The following PTCHD4 variants were observed in gnomAD, a reference collection of about 807,000 sequenced individuals.
PTCHD4 encodes patched domain containing 4.
PTCHD4 carries 33 observed loss-of-function variants against 58.1 expected under a neutral mutation model. The observed-to-expected ratio is 0.57, with a 90% confidence interval of 0.43 to 0.76. The LOEUF is 0.76. PTCHD4 is among the 30% of genes least tolerant of loss of function. PTCHD4 has a pLI of 0.00. For synonymous variants in PTCHD4, 478 were observed against 409.6 expected (o/e 1.17, Z -2.02); for missense variants, 1,058 against 1,027.1 (o/e 1.03, Z -0.41).
chr6:48,062,018 C>T (rs1453877264), intron 3 of PTCHD4, among the ~76,000 whole-genome samples: 1 of 152,118 alleles, frequency 6.6e-6, no homozygotes, highest in Non-Finnish European at 1.5e-5. Context: ...CTGGATGTAT[C>T]TGAAACAGGT....
intron 4 of PTCHD4, among the ~76,000 whole-genome samples, chr6:47,939,220 A>C (rs901088432): frequency 6.6e-6 from 1 of 152,210 alleles, no homozygotes; most frequent in Non-Finnish European, 1.5e-5. Context: ...CCTAACTTTA[A>C]CTGAATCAAA....
intron 1 of PTCHD4, among the ~76,000 whole-genome samples, chr6:48,098,942 A>AT (rs772502865): frequency 2.6e-5 from 4 of 151,714 alleles, no homozygotes; most frequent in Non-Finnish European, 4.4e-5. Flanking sequence ...TTGTATCTTA[A>AT]TTTTTTTTTG....
At chr6:47,956,961 C>T (rs1211033969) in intron 4 of PTCHD4, among the ~76,000 whole-genome samples, 4 of 151,734 alleles carry the variant, frequency 2.6e-5, no homozygotes, top group Admixed American at 6.6e-5. Flanking sequence ...GTCAGGAGTT[C>T]GAGACCAGCC....
At chr6:48,008,219 C>T (rs758306623) in intron 4 of PTCHD4, among the ~76,000 whole-genome samples, 3 of 152,158 alleles carry the variant, frequency 2.0e-5, no homozygotes, top group Non-Finnish European at 4.4e-5. Flanking sequence ...TAGGACACAT[C>T]ATTGGTCCTC....
chr6:48,096,310 T>C (rs1049218675), intron 1 of PTCHD4, among the ~76,000 whole-genome samples: 1 of 152,010 alleles, frequency 6.6e-6, no homozygotes, highest in Non-Finnish European at 1.5e-5. Context: ...AATGGGGATG[T>C]CTTGAAATTC....
At chr6:47,985,284 G>A (rs1360883310) in intron 4 of PTCHD4, among the ~76,000 whole-genome samples, 1 of 151,884 alleles carries the variant, frequency 6.6e-6, no homozygotes, top group Non-Finnish European at 1.5e-5. Flanking sequence ...AGGCCACACA[G>A]CACAAAATGA....
At chr6:48,009,362 T>C (rs1342104310) in intron 3 of PTCHD4, among the ~76,000 whole-genome samples, 1 of 152,190 alleles carries the variant, frequency 6.6e-6, no homozygotes, top group Non-Finnish European at 1.5e-5. Context: ...GCCACATGCA[T>C]AGAGAAACGT....
chr6:48,007,936 GCACACACA>G lies in PTCHD4; in HGVS notation c.898+690_898+697del, dbSNP rs10554552. ...TCTTTGAAAGAATATGTGCGCGCGC[GCACACACA>G]CACACACACACACACACACGCACCA... On this transcript the variant is annotated intron_variant, in intron 4 of 4. Transcript: ENST00000339488. 1.5e-3 allele frequency among the ~76,000 whole-genome samples: 229 copies of G among 150,342 alleles called. 5 individuals carry two copies. The South Asian group carries it at 0.04, about 26-fold the overall frequency.
intron 4 of PTCHD4, among the ~76,000 whole-genome samples, chr6:47,892,257 T>C (rs970408056): frequency 1.3e-5 from 2 of 152,116 alleles, no homozygotes; most frequent in Non-Finnish European, 2.9e-5. Context: ...ATAAACTAAA[T>C]ACAAGCATAT....
chr6:48,015,710 T>A (rs528154190), intron 3 of PTCHD4, among the ~76,000 whole-genome samples: 12 of 152,130 alleles, frequency 7.9e-5, no homozygotes, highest in Non-Finnish European at 1.2e-4. Flanking sequence ...GATTTCTATT[T>A]GAAATGATCT....
chr6:48,092,009 A>T (rs1318081521), intron 1 of PTCHD4, among the ~76,000 whole-genome samples: 4 of 147,866 alleles, frequency 2.7e-5, no homozygotes, highest in African/African-American at 7.9e-5. Context: ...ACACACATAC[A>T]CACACACACA....
At chr6:47,959,247 A>T (rs1766988112) in intron 4 of PTCHD4, among the ~76,000 whole-genome samples, 1 of 152,226 alleles carries the variant, frequency 6.6e-6, no homozygotes, top group Non-Finnish European at 1.5e-5. Flanking sequence ...AATGATTAAA[A>T]GGAAACTTCT....
chr6:47,992,699 A>G (rs956360153), intron 4 of PTCHD4, among the ~76,000 whole-genome samples: 5 of 152,210 alleles, frequency 3.3e-5, no homozygotes, highest in African/African-American at 1.2e-4. Flanking sequence ...AATTATGTAC[A>G]CACTTTTTAT....
At chr6:47,907,677 C>G (rs777353847) in intron 4 of PTCHD4, among the ~76,000 whole-genome samples, 1 of 152,128 alleles carries the variant, frequency 6.6e-6, no homozygotes, top group Non-Finnish European at 1.5e-5. Flanking sequence ...AGCAGGATAC[C>G]AATATTTTTG....
At chr6:47,998,845 C>T (rs530579795) in intron 4 of PTCHD4, among the ~76,000 whole-genome samples, 1 of 152,196 alleles carries the variant, frequency 6.6e-6, no homozygotes, top group Non-Finnish European at 1.5e-5. Context: ...AAAAGAAGAA[C>T]AGAGAAGGAA....
At chr6:48,083,765 G>A (rs1424849164) in intron 1 of PTCHD4, among the ~76,000 whole-genome samples, 1 of 152,162 alleles carries the variant, frequency 6.6e-6, no homozygotes, top group Non-Finnish European at 1.5e-5. Context: ...ATTAGCCCCT[G>A]GCTGACAGTC....
chr6:47,863,701 G>C lies in PTCHD4; in HGVS notation c.*14602C>G, dbSNP rs1159381964. 6.6e-6 allele frequency among the ~76,000 whole-genome samples: 1 copy of C among 151,906 alleles called. No homozygotes were observed. Among genetic ancestry groups the C allele is most frequent in the East Asian group, 1.9e-4 (1 of 5,140 alleles). On this transcript the variant is annotated 3_prime_UTR_variant, in exon 5 of 5. Transcript: ENST00000339488. ...AGAGTGCTAGTTCTAGTATACAGTG[G>C]TTCTAGTTAAACCAGTCTATAACAG...
intron 4 of PTCHD4, among the ~76,000 whole-genome samples, chr6:47,905,774 T>A (rs2114156232): frequency 6.6e-6 from 1 of 152,312 alleles, no homozygotes; most frequent in African/African-American, 2.4e-5. Context: ...CTTGTCTAAT[T>A]ATTTCCAAAC....
intron 3 of PTCHD4, among the ~76,000 whole-genome samples, chr6:48,060,653 T>C (rs530044360): frequency 9.9e-5 from 15 of 152,270 alleles, no homozygotes; most frequent in Admixed American, 6.5e-5. Context: ...TCTGTATTTT[T>C]TCATAGAGAT....
Sources: gnomAD v4.1 joint callset for allele counts (sites outside exome capture counted in the v4.1 genomes callset) on GRCh38, gnomAD v4.1.1 for gene constraint, MANE v1.5 for transcripts, NCBI Gene and HGNC (gene_info 2026-07-23, HGNC 2026-07-21) for gene names.